Variants in DIP2C observed in about 807,000 individuals in gnomAD.
DIP2C encodes the protein disco-interacting protein 2 homolog C.
A neutral mutation model predicts 192.4 loss-of-function variants in DIP2C; 33 were observed. That is an observed-to-expected ratio of 0.17 (90% CI 0.13 to 0.23). DIP2C has a LOEUF of 0.23. Ranked by LOEUF, DIP2C falls within the 10% of genes least tolerant of loss-of-function variation. DIP2C has a pLI of 1.00. For synonymous variants in DIP2C, 979 were observed against 864.1 expected (o/e 1.13, Z -2.33); for missense variants, 1,537 against 2,110.1 (o/e 0.73, Z 5.32).
intron 2 of DIP2C, among the ~76,000 whole-genome samples, chr10:478,815 C>T (rs1843371934): frequency 6.6e-6 from 1 of 152,082 alleles, no homozygotes. Flanking sequence ...TATTCTCACT[C>T]ATCGCGTGTC....
At chr10:687,140 C>T (rs998157849) in intron 1 of DIP2C, among the ~76,000 whole-genome samples, 1 of 152,238 alleles carries the variant, frequency 6.6e-6, no homozygotes, top group African/African-American at 2.4e-5. Context: ...TTTCAGCTTT[C>T]ACTCTGAAAG....
At chr10:281,456 G>C in intron 35 of DIP2C, 133 bp from the exon 36 acceptor site, 1 of 1,308,858 alleles carries the variant, frequency 7.6e-7, no homozygotes, top group Non-Finnish European at 1.0e-6. Flanking sequence ...ACGGATCCAG[G>C]GACGTTTGTT....
At chr10:584,888 C>T (rs1401471160) in intron 1 of DIP2C, among the ~76,000 whole-genome samples, 1 of 133,862 alleles carries the variant, frequency 7.5e-6, no homozygotes, top group Non-Finnish European at 1.6e-5. Flanking sequence ...CACTCATGCG[C>T]ATCACCTCTC....
At chr10:573,748 A>G (rs953639124) in intron 1 of DIP2C, among the ~76,000 whole-genome samples, 9 of 151,966 alleles carry the variant, frequency 5.9e-5, no homozygotes, top group East Asian at 2.0e-4. Flanking sequence ...TATGTGCTTC[A>G]GAGTCTTGTA....
intron 1 of DIP2C, among the ~76,000 whole-genome samples, chr10:584,207 C>T (rs1295435810): frequency 6.6e-6 from 1 of 152,124 alleles, no homozygotes; most frequent in East Asian, 1.9e-4. Context: ...AAATATACAC[C>T]AATACTCCCC....
At chr10:324,150 G>A (rs1363190897) in intron 31 of DIP2C, among the ~76,000 whole-genome samples, 3 of 152,170 alleles carry the variant, frequency 2.0e-5, no homozygotes, top group Admixed American at 1.3e-4. Context: ...ACTAAAATGA[G>A]TCACTTCCTG....
intron 1 of DIP2C, among the ~76,000 whole-genome samples, chr10:537,672 G>A (rs911466233): frequency 6.6e-6 from 1 of 152,154 alleles, no homozygotes; most frequent in Admixed American, 6.5e-5. Flanking sequence ...GGAGAGGGAT[G>A]AGGGAAGACA....
intron 1 of DIP2C, among the ~76,000 whole-genome samples, chr10:504,696 C>T (rs1845465363): frequency 6.6e-6 from 1 of 152,240 alleles, no homozygotes; most frequent in Non-Finnish European, 1.5e-5. Flanking sequence ...CACTTTAACA[C>T]TAAAAATTTA....
rs558301998 is a variant in DIP2C at position 655,496 on chromosome 10, C to T, written c.85+33998G>A. ...GACTCTACTATTCCACACTACGCTACGTAATACTCACTGTCCTCTCTGTTC... is the reference window on the plus strand; with the variant it reads ...GACTCTACTATTCCACACTACGCTATGTAATACTCACTGTCCTCTCTGTTC... On this transcript the variant is annotated intron_variant, in intron 1 of 36. Transcript: ENST00000280886. 1.9e-4 allele frequency among the ~76,000 whole-genome samples: 29 copies of T among 151,626 alleles called. No individual in the cohort carries two copies. The South Asian group carries it at 5.4e-3, about 28-fold the overall frequency.
At chr10:483,554 C>A (rs553909219) in intron 2 of DIP2C, among the ~76,000 whole-genome samples, 1 of 152,212 alleles carries the variant, frequency 6.6e-6, no homozygotes, top group Non-Finnish European at 1.5e-5. Context: ...TCAGGCGGCC[C>A]GGGCCGTCCT....
At chr10:545,145 C>CCAA (rs376116626) in intron 1 of DIP2C, among the ~76,000 whole-genome samples, 1 of 145,308 alleles carries the variant, frequency 6.9e-6, no homozygotes, top group East Asian at 2.0e-4. Context: ...AGGCCCTGAT[C>CCAA]CAACATGACT....
At chr10:559,887 G>A (rs1040999674) in intron 1 of DIP2C, among the ~76,000 whole-genome samples, 6 of 152,176 alleles carry the variant, frequency 3.9e-5, no homozygotes, top group African/African-American at 9.7e-5. Context: ...CTGGCCATTC[G>A]TCTTTAACCT....
chr10:411,510 T>A (rs953921500), intron 8 of DIP2C, among the ~76,000 whole-genome samples: 3 of 152,222 alleles, frequency 2.0e-5, no homozygotes, highest in Non-Finnish European at 4.4e-5. Context: ...CCCCAGCGCT[T>A]CGTAGGAAGC....
At chr10:486,770 G>A (rs115977110) in intron 1 of DIP2C, among the ~76,000 whole-genome samples, 2,085 of 152,298 alleles carry the variant, frequency 0.014, 59 homozygotes, top group African/African-American at 0.048. Context: ...GGCCCCTTCT[G>A]TATTTATCCG....
intron 2 of DIP2C, 66 bp downstream of exon 2, chr10:486,393 T>A: frequency 2.1e-6 from 3 of 1,431,010 alleles, no homozygotes; most frequent in Non-Finnish European, 2.8e-6. Flanking sequence ...TGCCTCCAGA[T>A]GTTTCTCTGG....
chr10:678,322 G>A (rs1266259500), intron 1 of DIP2C, among the ~76,000 whole-genome samples: 2 of 152,084 alleles, frequency 1.3e-5, no homozygotes, highest in Non-Finnish European at 2.9e-5. Context: ...AAAGAGTATC[G>A]ACTAAAAGGG....
At chr10:632,048 T>C (rs956737571) in intron 1 of DIP2C, among the ~76,000 whole-genome samples, 4 of 152,266 alleles carry the variant, frequency 2.6e-5, no homozygotes, top group Non-Finnish European at 4.4e-5. Context: ...AGAGTTGAGA[T>C]TGAAGAGATA....
At position 413,924 on chromosome 10, in the gene DIP2C, A is replaced by G; in HGVS notation, c.1046T>C (p.Ile349Thr). Reference sequence around the variant, plus strand: ...AGCCTGGGGATTACCGTAAGTGAGGATGTAGAGGGGCTTCCCGTTGGTGTC... The same window carrying G: ...AGCCTGGGGATTACCGTAAGTGAGGGTGTAGAGGGGCTTCCCGTTGGTGTC... Reference protein sequence around the residue: ...TMDTNGKPLYILTYGKLWTRS... With the variant: ...TMDTNGKPLYTLTYGKLWTRS... The change falls in exon 8 of 37, where the codon ATC (isoleucine) becomes ACC (threonine). Residue 349 changes from isoleucine to threonine, a missense_variant. Ile to Thr is a moderately conservative substitution (Grantham distance 89, BLOSUM62 -1). Transcript: ENST00000280886. 1.2e-6 allele frequency: 2 copies of G among 1,613,918 alleles called. No individual in the cohort carries two copies. Among genetic ancestry groups the G allele is most frequent in the Non-Finnish European group, 1.7e-6 (2 of 1,179,924 alleles).
rs151314097 is a variant in DIP2C at position 381,034 on chromosome 10, G to A, written c.1991+1613C>T. The stretch of plus-strand genomic sequence containing the variant: ...GATGTGTTGGTGGAAACGCAAGTAC[G>A]AGTGCTGCTTTCATCAAATTTATTC... On this transcript the variant is annotated intron_variant, in intron 17 of 36. Coordinates refer to ENST00000280886, the MANE Select transcript of DIP2C (RefSeq NM_014974.3). 2.8e-3 allele frequency among the ~76,000 whole-genome samples: 432 copies of A among 152,316 alleles called. 5 individuals carry two copies. Among genetic ancestry groups the A allele is most frequent in the Non-Finnish European group, 5.3e-3 (362 of 68,036 alleles).
Sources: allele counts gnomAD v4.1 joint callset (sites outside exome capture counted in the v4.1 genomes callset), GRCh38; gene constraint gnomAD v4.1.1; transcripts MANE v1.5; gene names NCBI Gene and HGNC (gene_info 2026-07-23, HGNC 2026-07-21).